The following DHX9 variants were observed in gnomAD, a reference collection of about 807,000 sequenced individuals.
DHX9 encodes the protein ATP-dependent RNA helicase A.
DHX9 carries 27 observed loss-of-function variants against 148.7 expected under a neutral mutation model. The observed-to-expected ratio is 0.18, with a 90% CI of 0.13 to 0.25. The LOEUF (loss-of-function observed/expected upper bound fraction) is 0.25. Among genes scored for constraint, DHX9 ranks in the 10% least tolerant of loss-of-function variants. The pLI is 1.00. For missense variants in DHX9, 796 were observed against 1,559.6 expected (o/e 0.51, Z 8.25); for synonymous variants, 529 against 516.6 (o/e 1.02, Z -0.33).
rs749637564 is a variant in DHX9, at chr1:182,877,931, C to T, written c.2199-90C>T. ...TCACAAGTAGGTATGGCTTTAACTA[C>T]ATAGTGGAAAGCATTCACTACTTAG... On this transcript the variant is annotated intron_variant, in intron 19 of 27. Coordinates refer to ENST00000367549, the MANE Select transcript of DHX9 (RefSeq NM_001357.5). The T allele has an allele frequency of 1.7e-4, 235 of 1,411,076 alleles. 1 individual carries two copies. Among genetic ancestry groups the T allele is most frequent in the Non-Finnish European group, 2.2e-4 (228 of 1,026,080 alleles). 87.4% of individuals were successfully genotyped at this position (1,411,076 alleles called of 1,614,324 possible).
At chr1:182,871,769 T>C (rs986599507) in intron 14 of DHX9, among the ~76,000 whole-genome samples, 1 of 152,156 alleles carries the variant, frequency 6.6e-6, no homozygotes, top group African/African-American at 2.4e-5. Flanking sequence ...CAAGACAACA[T>C]AAAATATGCA....
intron 27 of DHX9, among the ~76,000 whole-genome samples, chr1:182,885,428 G>A (rs1200807133): frequency 6.6e-6 from 1 of 152,050 alleles, no homozygotes; most frequent in Non-Finnish European, 1.5e-5. Flanking sequence ...TTTTGTATTT[G>A]CTTAATATTT....
intron 18 of DHX9, 26 bp downstream of exon 18, chr1:182,876,567 G>T: frequency 6.3e-7 from 1 of 1,578,250 alleles, no homozygotes; most frequent in East Asian, 2.2e-5. Context: ...TAGAGTGATG[G>T]GATTGGAAGT....
chr1:182,868,246 A>G (rs1217640552), intron 14 of DHX9, among the ~76,000 whole-genome samples: 3 of 152,196 alleles, frequency 2.0e-5, no homozygotes, highest in Non-Finnish European at 4.4e-5. Flanking sequence ...ACATTATTCT[A>G]AAAGAAAGAA....
At chr1:182,883,750 T>A in intron 26 of DHX9, 115 bp downstream of exon 26, 1 of 603,070 alleles carries the variant, frequency 1.7e-6, no homozygotes, top group Admixed American at 3.1e-5. Context: ...AATTATATAC[T>A]ATATACTTAA....
intron 14 of DHX9, among the ~76,000 whole-genome samples, chr1:182,870,062 CT>C (rs1426375325): frequency 2.0e-5 from 3 of 152,136 alleles, no homozygotes; most frequent in African/African-American, 7.2e-5. Context: ...ATTTTTTATA[CT>C]TACACAAATA....
In DHX9 at chr1:182,843,296, T is replaced by A. The variant is rs370529753; in HGVS notation, c.114T>A (p.Val38=). The A allele has an allele frequency of 5.0e-4, 781 of 1,568,218 alleles. 4 individuals carry two copies. In the South Asian group the frequency reaches 8.8e-3, roughly 18 times the overall value. ...NKNRQKFMCE[V]QVEGYNYTGM... The stretch of plus-strand genomic sequence containing the variant: ...AGTACTTTTTTTTTTTTTTAAAGGT[T>A]CAGGTGGAAGGTTATAATTACACTG... The change falls in exon 3 of 28, where the codon GTT becomes GTA. Residue 38 remains valine (V), a splice_region_variant and synonymous_variant. Transcript: ENST00000367549.
Position 182,872,415 on chromosome 1 carries a change from A to G in DHX9, c.1636A>G (p.Ile546Val), listed in dbSNP as rs765429818. Residue 546 changes from isoleucine to valine, a missense_variant, in exon 15 of 28, where the codon ATT becomes GTT. Ile to Val is a conservative substitution (Grantham distance 29). Transcript: ENST00000367549. ...EVRIVLMSAT[I>V]DTSMFCEYFF... is the part of the protein sequence containing the mutation. ...TCGCATTGTTCTTATGTCTGCTACT[A>G]TTGATACCAGCATGTTTTGTGAATA... 15 of 1,613,918 alleles carry G rather than the reference A, an allele frequency of 9.3e-6. No individual in the cohort carries two copies. The highest frequency in any genetic ancestry group is 4.5e-5 in the East Asian group (2 of 44,862).
chr1:182,861,240 A>T (rs968930063), intron 12 of DHX9, among the ~76,000 whole-genome samples: 1 of 152,136 alleles, frequency 6.6e-6, no homozygotes, highest in Non-Finnish European at 1.5e-5. Flanking sequence ...CCTAAGGCTG[A>T]TGATACCTTA....
chr1:182,849,992 C>T (rs377759346), intron 3 of DHX9, among the ~76,000 whole-genome samples: 81 of 107,066 alleles, frequency 7.6e-4, no homozygotes, highest in Non-Finnish European at 1.0e-3. Flanking sequence ...ACCCCCCCCC[C>T]TTTTTTTTTT....
At chr1:182,872,157 T>C (rs1249877955) in intron 14 of DHX9, among the ~76,000 whole-genome samples, 180 bp from the exon 15 acceptor site, 1 of 152,214 alleles carries the variant, frequency 6.6e-6, no homozygotes, top group African/African-American at 2.4e-5. Flanking sequence ...TTCTCAAAAA[T>C]TGTTATTGTT....
intron 14 of DHX9, among the ~76,000 whole-genome samples, chr1:182,870,036 T>C (rs1195473595): frequency 1.3e-5 from 2 of 152,182 alleles, no homozygotes; most frequent in African/African-American, 2.4e-5. Context: ...AAAGGTAATA[T>C]ACCGAAGGCA....
intron 15 of DHX9, among the ~76,000 whole-genome samples, chr1:182,872,749 T>C (rs1444993545): frequency 6.6e-6 from 1 of 152,176 alleles, no homozygotes; most frequent in Non-Finnish European, 1.5e-5. Context: ...GGCCTTTACT[T>C]ATAAAGCCAA....
At chr1:182,847,821 G>A (rs937146593) in intron 3 of DHX9, among the ~76,000 whole-genome samples, 4 of 151,904 alleles carry the variant, frequency 2.6e-5, no homozygotes, top group Admixed American at 6.6e-5. Context: ...TGCTTTTTTC[G>A]TTCATTTTTT....
chr1:182,855,924 AC>A (rs1668242738), intron 6 of DHX9, among the ~76,000 whole-genome samples: 1 of 152,184 alleles, frequency 6.6e-6, no homozygotes, highest in African/African-American at 2.4e-5. Flanking sequence ...TAATGTTACA[AC>A]ATGTGTTTTG....
chr1:182,876,528 T>C lies in DHX9; in HGVS notation c.2111T>C (p.Val704Ala), dbSNP rs1274106819. The change falls in exon 18 of 28, where the codon GTT (valine) becomes GCT (alanine). Residue 704 changes from valine (V) to alanine (A), a missense_variant. Val to Ala is a moderately conservative substitution (Grantham distance 64). Around this residue, in one of 14 missense-constraint regions of DHX9, gnomAD observed 133 missense variants for 223.8 expected, o/e 0.59. Transcript: ENST00000367549. ...CGCAAAGTGTTTGATCCAGTACCAG[T>C]TGGAGTAACCAAGGTAAATATTAAA... is the stretch of plus-strand genomic sequence containing the variant. The part of the protein sequence containing the change: ...EQRKVFDPVP[V>A]GVTKVILSTN... 1.2e-6 allele frequency: 2 copies of C among 1,611,470 alleles called. No homozygotes were observed. Among genetic ancestry groups the C allele is most frequent in the African/African-American group, 1.3e-5 (1 of 74,818 alleles).
chr1:182,863,027 G>T (rs1668391520), intron 12 of DHX9, among the ~76,000 whole-genome samples: 1 of 152,158 alleles, frequency 6.6e-6, no homozygotes, highest in Non-Finnish European at 1.5e-5. Flanking sequence ...GAGAAAATGA[G>T]ATAAGCAGAT....
chr1:182,853,733 A>T (rs183777669), intron 5 of DHX9, among the ~76,000 whole-genome samples: 1 of 152,248 alleles, frequency 6.6e-6, no homozygotes, highest in Admixed American at 6.5e-5. Flanking sequence ...AAAAGTCTTT[A>T]GTATAGCTTA....
In DHX9 at chr1:182,883,529, C is replaced by G; in HGVS notation, c.3154C>G (p.Arg1052Gly). ...FFVFGEKIRT[R>G]AISAKGMTLV... Reference sequence around the variant, plus strand: ...CTTTCTCCATTTGCAGATTCGAACTCGAGCCATCTCTGCTAAAGGCATGAC... The same window carrying G: ...CTTTCTCCATTTGCAGATTCGAACTGGAGCCATCTCTGCTAAAGGCATGAC... Residue 1052 changes from arginine to glycine, a missense_variant, in exon 26 of 28, where the codon CGA becomes GGA. Arg to Gly is a moderately radical substitution (Grantham distance 125). This residue lies in a region of DHX9 where 14 missense variants were observed against 87.5 expected (regional missense o/e 0.16). Coordinates refer to ENST00000367549, the MANE Select transcript of DHX9 (RefSeq NM_001357.5). 6.2e-7 allele frequency: 1 copy of G among 1,613,374 alleles called. No individual in the cohort carries two copies. Among genetic ancestry groups the G allele is most frequent in the Non-Finnish European group, 8.5e-7 (1 of 1,179,702 alleles).
Sources: gnomAD v4.1 joint callset for allele counts (sites outside exome capture counted in the v4.1 genomes callset) on GRCh38, gnomAD v4.1.1 for gene constraint, gnomAD v4.1.1 regional missense constraint, MANE v1.5 for transcripts, NCBI Gene and HGNC (gene_info 2026-07-23, HGNC 2026-07-21) for gene names.